FAM135A: variants seen among roughly 807,000 people sequenced by gnomAD.
FAM135A encodes protein FAM135A.
FAM135A carries 79 observed loss-of-function variants against 146.8 expected under a neutral mutation model. The ratio of observed to expected loss-of-function variants is 0.54; its 90% CI spans 0.45 to 0.65. The LOEUF is 0.65. Ranked by LOEUF, FAM135A falls within the 30% of genes least tolerant of loss-of-function variation. The pLI is 0.00. For synonymous variants in FAM135A, 562 were observed against 603.6 expected, an observed-to-expected ratio of 0.93 and a Z score of 1.01; for missense variants, 1,623 against 1,758.2, an observed-to-expected ratio of 0.92 and a Z score of 1.38.
chr6:70,512,959 G>T (rs1791373129), intron 12 of FAM135A, among the ~76,000 whole-genome samples: 1 of 151,172 alleles, frequency 6.6e-6, no homozygotes, highest in Non-Finnish European at 1.5e-5. Context: ...TTAATTTGGT[G>T]TGAGGTGTAT....
chr6:70,463,420 A>T lies in FAM135A; in HGVS notation c.157+10849A>T, dbSNP rs761465178. Among the ~76,000 whole-genome samples, 107 of 68,526 alleles carry T rather than the reference A, an allele frequency of 1.6e-3. 1 individual carries two copies. Among genetic ancestry groups the T allele is most frequent in the Middle Eastern group, 0.014 (2 of 140 alleles). The allele number at this position is 68,526 out of a possible 152,430, so 45.0% of individuals were successfully genotyped here. A position where few individuals can be genotyped will look rare whatever the true frequency, so the allele number is the denominator to read the frequency against. On this transcript the variant is annotated intron_variant, in intron 5 of 21. Transcript: ENST00000418814. ...CGCATGCCACCACACTGGCCTAATT[A>T]AAAAAAAAAAAAAAATTTGTAGAGA...
At chr6:70,425,874 C>A (rs371555750) in intron 2 of FAM135A, among the ~76,000 whole-genome samples, 1 of 151,992 alleles carries the variant, frequency 6.6e-6, no homozygotes, top group Non-Finnish European at 1.5e-5. Flanking sequence ...GAGGCCGAGG[C>A]GGGTGGATCA....
At chr6:70,554,312 C>CCTA (rs1800413882) in intron 20 of FAM135A, among the ~76,000 whole-genome samples, 1 of 152,132 alleles carries the variant, frequency 6.6e-6, no homozygotes, top group South Asian at 2.1e-4. Flanking sequence ...CCTGAAATAA[C>CCTA]CATTGTATTT....
intron 20 of FAM135A, among the ~76,000 whole-genome samples, chr6:70,541,596 C>G (rs985072846): frequency 3.9e-5 from 6 of 152,150 alleles, no homozygotes; most frequent in Admixed American, 1.3e-4. Flanking sequence ...TCTTCTCACT[C>G]TGTACATTCT....
intron 20 of FAM135A, among the ~76,000 whole-genome samples, chr6:70,539,291 T>C (rs1008223792): frequency 1.3e-5 from 2 of 152,168 alleles, no homozygotes; most frequent in African/African-American, 2.4e-5. Context: ...GAGTGGAGTT[T>C]GGCAAACTTT....
intron 10 of FAM135A, 67 bp from the exon 11 acceptor site, chr6:70,490,967 G>A (rs1582506327): frequency 1.7e-6 from 2 of 1,188,590 alleles, no homozygotes; most frequent in East Asian, 2.8e-5. Context: ...GTTTTTTATG[G>A]GAATTTTATT....
At chr6:70,548,327 TA>T (rs1450556652) in intron 20 of FAM135A, among the ~76,000 whole-genome samples, 1 of 152,206 alleles carries the variant, frequency 6.6e-6, no homozygotes, top group African/African-American at 2.4e-5. Context: ...GAAAACTGGT[TA>T]CCAAGTTTAA....
intron 11 of FAM135A, among the ~76,000 whole-genome samples, chr6:70,493,020 C>T (rs764280600): frequency 1.3e-5 from 2 of 151,836 alleles, no homozygotes; most frequent in Admixed American, 6.6e-5. Flanking sequence ...TAAATGTACA[C>T]AAATATAAGG....
intron 11 of FAM135A, among the ~76,000 whole-genome samples, chr6:70,491,922 A>G (rs982052604): frequency 7.9e-5 from 12 of 151,906 alleles, no homozygotes; most frequent in Non-Finnish European, 1.6e-4. Flanking sequence ...ATAAATATAC[A>G]TATGATACTC....
At chr6:70,508,680 C>A (rs552949332) in intron 12 of FAM135A, among the ~76,000 whole-genome samples, 29 of 152,224 alleles carry the variant, frequency 1.9e-4, no homozygotes, top group Non-Finnish European at 4.1e-4. Flanking sequence ...ATGGTTACAT[C>A]AGCTTGTATA....
chr6:70,522,312 T>C (rs1189205243), intron 12 of FAM135A, among the ~76,000 whole-genome samples: 1 of 103,940 alleles, frequency 9.6e-6, no homozygotes, highest in Non-Finnish European at 2.1e-5. Context: ...ATCATAATAG[T>C]TTATATTTAT....
intron 1 of FAM135A, among the ~76,000 whole-genome samples, chr6:70,414,165 G>GC (rs1366200273): frequency 1.3e-5 from 2 of 152,146 alleles, no homozygotes; most frequent in African/African-American, 2.4e-5. Context: ...TCCATCCCTT[G>GC]CCTGGCTCTT....
At chr6:70,467,637 C>A (rs1431780994) in intron 5 of FAM135A, among the ~76,000 whole-genome samples, 1 of 151,876 alleles carries the variant, frequency 6.6e-6, no homozygotes, top group Non-Finnish European at 1.5e-5. Flanking sequence ...TATTTTTAAC[C>A]CTTTTTTGAG....
intron 11 of FAM135A, among the ~76,000 whole-genome samples, chr6:70,492,195 G>A (rs1019940973): frequency 1.3e-4 from 20 of 151,634 alleles, no homozygotes; most frequent in African/African-American, 4.8e-4. Flanking sequence ...AGAATAAAAA[G>A]ACAAGTCAGA....
At chr6:70,491,615 A>G (rs1233878305) in intron 11 of FAM135A, among the ~76,000 whole-genome samples, 1 of 151,942 alleles carries the variant, frequency 6.6e-6, no homozygotes, top group African/African-American at 2.4e-5. Context: ...GTGTGAATCA[A>G]ACAAAAATAT....
chr6:70,556,695 C>T, intron 20 of FAM135A, 55 bp from the exon 21 acceptor site: 2 of 1,216,526 alleles, frequency 1.6e-6, no homozygotes, highest in Non-Finnish European at 2.3e-6. Context: ...ATACTAATAA[C>T]TTGTTTAAAA....
chr6:70,417,135 C>T (rs779681034), intron 2 of FAM135A, among the ~76,000 whole-genome samples: 13 of 151,862 alleles, frequency 8.6e-5, no homozygotes, highest in Admixed American at 1.3e-4. Flanking sequence ...ATCTCTCAAC[C>T]GAGAAACCAT....
intron 4 of FAM135A, among the ~76,000 whole-genome samples, chr6:70,446,873 A>G (rs1472057884): frequency 6.6e-6 from 1 of 152,206 alleles, no homozygotes; most frequent in East Asian, 1.9e-4. Flanking sequence ...CATGCATCAT[A>G]TGTTGACTTT....
rs745725360 is a variant in FAM135A, at chr6:70,473,897, C to T, written c.158-1513C>T. On this transcript the variant is annotated intron_variant, in intron 5 of 21. Coordinates refer to ENST00000418814, the MANE Select transcript of FAM135A (RefSeq NM_001162529.3). ...GTACCAGGCTGCTCCTCTGTAAAGA[C>T]GCTCTCTCCATCTAACTTGTGTTCC... is the stretch of plus-strand genomic sequence containing the variant. Among the ~76,000 whole-genome samples, 33 of 152,170 alleles carry T rather than the reference C, an allele frequency of 2.2e-4. 1 individual carries two copies. Among genetic ancestry groups the T allele is most frequent in the Admixed American group, 2.6e-4 (4 of 15,272 alleles).
Sources: allele counts gnomAD v4.1 joint callset (sites outside exome capture counted in the v4.1 genomes callset), GRCh38; gene constraint gnomAD v4.1.1; transcripts MANE v1.5; gene names NCBI Gene and HGNC (gene_info 2026-07-23, HGNC 2026-07-21).